NRG3: variants seen among roughly 807,000 people sequenced by gnomAD.
The protein encoded by NRG3 is neuregulin 3.
In NRG3, 31 loss-of-function variants were observed where a neutral mutation model predicts 66.9. The ratio of observed to expected loss-of-function variants is 0.46; its 90% CI spans 0.35 to 0.63. NRG3 has a LOEUF of 0.63. Among genes scored for constraint, NRG3 ranks in the 20% least tolerant of loss-of-function variants. The pLI is 0.00. For missense variants in NRG3, 910 were observed against 878.9 expected (o/e 1.04, Z -0.45); for synonymous variants, 393 against 359.4 (o/e 1.09, Z -1.06).
In NRG3 at chr10:82,764,963, T is replaced by A. The variant is rs1322250939; in HGVS notation, c.1027+26313T>A. On this transcript the variant is annotated intron_variant, in intron 3 of 8. Coordinates refer to ENST00000372141, the MANE Select transcript of NRG3 (RefSeq NM_001010848.4). ...GTCATATGACAAAGTGTAGTTTAAA[T>A]TATACTGCCTAGAACTCTTTATTCA... Among the ~76,000 whole-genome samples, 3 of 152,272 alleles carry A rather than the reference T, an allele frequency of 2.0e-5. No homozygotes were observed. The East Asian group carries it at 5.8e-4, about 29-fold the overall frequency.
intron 1 of NRG3, among the ~76,000 whole-genome samples, chr10:82,024,187 C>G (rs2062188840): frequency 6.6e-6 from 1 of 151,838 alleles, no homozygotes; most frequent in South Asian, 2.1e-4. Flanking sequence ...TCTGTGGTAT[C>G]AGTTTTAGTA....
At chr10:82,469,351 T>C (rs1215406729) in intron 2 of NRG3, among the ~76,000 whole-genome samples, 2 of 152,128 alleles carry the variant, frequency 1.3e-5, no homozygotes, top group African/African-American at 4.8e-5. Flanking sequence ...CCTGGTGCAC[T>C]CTGTAAAGAA....
intron 2 of NRG3, among the ~76,000 whole-genome samples, chr10:82,698,295 T>A (rs2055559506): frequency 1.3e-5 from 2 of 152,094 alleles, no homozygotes; most frequent in African/African-American, 4.8e-5. Flanking sequence ...TAGAAAAAAG[T>A]TACCTAATGC....
intron 1 of NRG3, among the ~76,000 whole-genome samples, chr10:82,246,262 A>C (rs1490031577): frequency 6.6e-6 from 1 of 152,180 alleles, no homozygotes; most frequent in African/African-American, 2.4e-5. Flanking sequence ...CAGTGATATT[A>C]GATCATTCCC....
intron 1 of NRG3, among the ~76,000 whole-genome samples, chr10:81,926,694 T>G (rs1846826464): frequency 6.6e-6 from 1 of 152,120 alleles, no homozygotes; most frequent in Non-Finnish European, 1.5e-5. Context: ...AAATCAGTTA[T>G]GAAGATAAAG....
chr10:82,510,679 T>C (rs1003146705), intron 2 of NRG3, among the ~76,000 whole-genome samples: 4 of 152,128 alleles, frequency 2.6e-5, no homozygotes, highest in Admixed American at 2.0e-4. Flanking sequence ...TAAGATGAAG[T>C]AGGCTAAGGA....
chr10:82,132,900 C>T (rs2069039121), intron 1 of NRG3, among the ~76,000 whole-genome samples: 1 of 151,608 alleles, frequency 6.6e-6, no homozygotes, highest in Non-Finnish European at 1.5e-5. Context: ...CTTTGAATTT[C>T]TTCAATATAA....
chr10:82,010,028 C>T (rs557313967), intron 1 of NRG3, among the ~76,000 whole-genome samples: 5 of 152,298 alleles, frequency 3.3e-5, no homozygotes, highest in Non-Finnish European at 7.3e-5. Flanking sequence ...GGCTCAGCCT[C>T]ATGAGATCTG....
chr10:82,487,830 G>T (rs577776194), intron 2 of NRG3, among the ~76,000 whole-genome samples: 23 of 152,178 alleles, frequency 1.5e-4, no homozygotes, highest in African/African-American at 5.1e-4. Context: ...AATCCAATTC[G>T]TGCAGCCCAG....
At chr10:81,966,197 T>G (rs563543587) in intron 1 of NRG3, among the ~76,000 whole-genome samples, 1 of 151,850 alleles carries the variant, frequency 6.6e-6, no homozygotes, top group East Asian at 1.9e-4. Flanking sequence ...AGCTAAATGT[T>G]GAACTCTTTA....
intron 2 of NRG3, among the ~76,000 whole-genome samples, chr10:82,572,600 G>T (rs572907778): frequency 1.3e-4 from 19 of 149,794 alleles, no homozygotes; most frequent in South Asian, 8.4e-4. Context: ...TTTTTTTTGT[G>T]TGTGTGTGTG....
At chr10:82,545,153 G>C (rs1029909744) in intron 2 of NRG3, among the ~76,000 whole-genome samples, 1 of 152,108 alleles carries the variant, frequency 6.6e-6, no homozygotes, top group Non-Finnish European at 1.5e-5. Context: ...TCATCTAGGA[G>C]CTTTTCCTCT....
intron 2 of NRG3, among the ~76,000 whole-genome samples, chr10:82,474,758 A>G (rs1315367268): frequency 1.3e-5 from 2 of 152,156 alleles, no homozygotes; most frequent in African/African-American, 4.8e-5. Flanking sequence ...GAATATACAA[A>G]TACAAGAAGC....
chr10:82,293,920 T>C (rs1415511256), intron 1 of NRG3, among the ~76,000 whole-genome samples: 1 of 112,046 alleles, frequency 8.9e-6, no homozygotes, highest in East Asian at 2.6e-4. Flanking sequence ...CAAGCATATT[T>C]TTGCAATTTT....
chr10:82,081,175 G>A (rs897524415), intron 1 of NRG3, among the ~76,000 whole-genome samples: 16 of 152,110 alleles, frequency 1.1e-4, no homozygotes, highest in Non-Finnish European at 7.3e-5. Context: ...GACATCCCAC[G>A]GTTTAAACCT....
At chr10:82,200,821 G>A (rs1381585894) in intron 1 of NRG3, among the ~76,000 whole-genome samples, 1 of 152,054 alleles carries the variant, frequency 6.6e-6, no homozygotes, top group African/African-American at 2.4e-5. Flanking sequence ...GGCTTGCAAT[G>A]TCATGTCCTA....
chr10:82,036,961 A>G (rs1010453062), intron 1 of NRG3, among the ~76,000 whole-genome samples: 16 of 152,270 alleles, frequency 1.1e-4, no homozygotes, highest in Admixed American at 1.0e-3. Flanking sequence ...TCAGACTACT[A>G]CCACGCTGTT....
intron 1 of NRG3, among the ~76,000 whole-genome samples, chr10:82,132,509 TATATATGATATATATGA>T (rs2068966304): frequency 7.8e-5 from 2 of 25,804 alleles, no homozygotes; most frequent in African/African-American, 3.1e-4. Flanking sequence ...ATATATCATA[TATATATGATATATATGA>T]TATATATATG....
intron 1 of NRG3, among the ~76,000 whole-genome samples, chr10:82,341,851 G>T (rs1453480861): frequency 1.3e-5 from 2 of 151,864 alleles, no homozygotes; most frequent in Non-Finnish European, 2.9e-5. Flanking sequence ...AGAATATAAA[G>T]TATTTTACTC....
Sources: allele counts gnomAD v4.1 joint callset (sites outside exome capture counted in the v4.1 genomes callset), GRCh38; gene constraint gnomAD v4.1.1; transcripts MANE v1.5; gene names NCBI Gene and HGNC (gene_info 2026-07-23, HGNC 2026-07-21).